The following TIMM44 variants were observed in gnomAD, a reference collection of about 807,000 sequenced individuals.
TIMM44 encodes the protein mitochondrial import inner membrane translocase subunit TIM44.
Under a neutral mutation model 63.8 loss-of-function variants are expected in TIMM44, and 37 were observed. The ratio of observed to expected loss-of-function variants is 0.58; its 90% CI spans 0.45 to 0.76. TIMM44 has a LOEUF of 0.76. Among genes scored for constraint, TIMM44 ranks in the 30% least tolerant of loss-of-function variants. TIMM44 has a pLI of 0.00. For missense variants in TIMM44, 573 were observed against 603.8 expected (o/e 0.95, Z 0.54); for synonymous variants, 239 against 245.1 (o/e 0.98, Z 0.23).
intron 10 of TIMM44, among the ~76,000 whole-genome samples, chr19:7,930,371 C>T (rs928603998): frequency 5.4e-5 from 8 of 147,358 alleles, no homozygotes; most frequent in African/African-American, 7.6e-5. Context: ...TGCAGTGGCG[C>T]GACCTCAGCT....
chr19:7,935,167 C>CCT (rs1984113365), intron 3 of TIMM44, 22 bp from the exon 4 acceptor site: 3 of 1,254,056 alleles, frequency 2.4e-6, no homozygotes, highest in Admixed American at 2.6e-5. Context: ...GCGCTGTGTC[C>CCT]TTTTTTTTTT....
intron 2 of TIMM44, among the ~76,000 whole-genome samples, chr19:7,938,606 A>G (rs888241897): frequency 6.6e-6 from 1 of 152,178 alleles, no homozygotes; most frequent in African/African-American, 2.4e-5. Context: ...CAGGAGTTCG[A>G]GACCAGCCTG....
rs369194653 is a variant in TIMM44, at chr19:7,938,235, T to C, written c.142-38A>G. 6.5e-6 allele frequency: 10 copies of C among 1,547,092 alleles called. No individual in the cohort carries two copies. The Admixed American group carries it at 7.3e-5, about 11-fold the overall frequency. On this transcript the variant is annotated intron_variant, in intron 2 of 12. Transcript: ENST00000270538. ...TACAAGAAAAAAAATTTAAAGAACATAGTAGAACATAGAATGAAATGCCCC... is the reference window on the plus strand; with the variant it reads ...TACAAGAAAAAAAATTTAAAGAACACAGTAGAACATAGAATGAAATGCCCC...
At position 7,934,022 on chromosome 19, in the gene TIMM44, G is replaced by C. The variant is rs370953655; in HGVS notation, c.544-19C>G. On this transcript the variant is annotated intron_variant, in intron 5 of 12. Coordinates refer to ENST00000270538, the MANE Select transcript of TIMM44 (RefSeq NM_006351.4). This position sits in a 1 kb window ranked among gnomAD's most constrained non-coding sequence, Gnocchi z 5.3. ...CCACCCCCTGCGAGGGAGGCACAGC[G>C]GGGCTGGGGTGGGTGTCTGGGTTCG... The C allele has an allele frequency of 1.1e-4, 184 of 1,613,674 alleles. No homozygotes were observed. Among genetic ancestry groups the C allele is most frequent in the Non-Finnish European group, 1.5e-4 (175 of 1,180,002 alleles).
Position 7,927,233 on chromosome 19 carries a change from C to A in TIMM44, c.1313G>T (p.Trp438Leu). Residue 438 changes from tryptophan (W) to leucine (L), a missense_variant, in exon 13 of 13, where the codon TGG (tryptophan) becomes TTG (leucine). Transcript: ENST00000270538. ...GGAGGCCGAGATGTCCAGGAGCCGCCAGGCCGCGTAGGGGTTGAGCTCGTC... is the reference window on the plus strand; with the variant it reads ...GGAGGCCGAGATGTCCAGGAGCCGCAAGGCCGCGTAGGGGTTGAGCTCGTC... ...DQDELNPYAAWRLLDISASST... is the reference protein window; with the variant it reads ...DQDELNPYAALRLLDISASST... The A allele has an allele frequency of 6.2e-7, 1 of 1,612,280 alleles. No homozygotes were observed.
At position 7,928,069 on chromosome 19, in the gene TIMM44, G is replaced by A. The variant is rs1174893147; in HGVS notation, c.1128+8C>T. 1.9e-6 allele frequency: 3 copies of A among 1,612,890 alleles called. No individual in the cohort carries two copies. Among genetic ancestry groups the A allele is most frequent in the African/African-American group, 2.7e-5 (2 of 74,936 alleles). On this transcript the variant is annotated splice_region_variant and intron_variant, in intron 11 of 12. Coordinates refer to ENST00000270538, the MANE Select transcript of TIMM44 (RefSeq NM_006351.4). ...TGGTGGCCCGGGCCCCCACTGCGAG[G>A]TGCTTACGTCGACGTTGTCAATGTC...
In TIMM44 at chr19:7,932,493, G is replaced by A. The variant is rs1984014371; in HGVS notation, c.987+134C>T. The A allele has an allele frequency of 3.1e-6, 4 of 1,299,082 alleles. 1 individual carries two copies. In the South Asian group the frequency reaches 3.9e-5, roughly 13 times the overall value. The allele number at this position is 1,299,082 out of a possible 1,614,324, so 80.5% of individuals were successfully genotyped here. On this transcript the variant is annotated intron_variant, in intron 9 of 12. Coordinates refer to ENST00000270538, the MANE Select transcript of TIMM44 (RefSeq NM_006351.4). ...CAGCTGCAGCCGGGCAGGAGCCCGTGTGCAACCAGCCTCCTCAGAAAACAG... is the reference window on the plus strand; with the variant it reads ...CAGCTGCAGCCGGGCAGGAGCCCGTATGCAACCAGCCTCCTCAGAAAACAG...
chr19:7,932,820 T>C lies in TIMM44; in HGVS notation c.862+20A>G. On this transcript the variant is annotated intron_variant, in intron 8 of 12. Coordinates refer to ENST00000270538, the MANE Select transcript of TIMM44 (RefSeq NM_006351.4). ...CCCGCCCCACCACCAGCCTGCGAGG[T>C]CCAGGGATGACTCACTCACCCAGCA... 6.2e-7 allele frequency: 1 copy of C among 1,614,106 alleles called. No homozygotes were observed. Among genetic ancestry groups the C allele is most frequent in the Admixed American group, 1.7e-5 (1 of 60,030 alleles).
In TIMM44 at chr19:7,932,444, G is replaced by A. The variant is rs1015112899; in HGVS notation, c.987+183C>T. 9 of 767,288 alleles carry A rather than the reference G, an allele frequency of 1.2e-5. No individual in the cohort carries two copies. In the Admixed American group the frequency reaches 2.2e-4, roughly 19 times the overall value. The allele number at this position is 767,288 out of a possible 1,614,324, so 47.5% of individuals were successfully genotyped here. On this transcript the variant is annotated intron_variant, in intron 9 of 12. Transcript: ENST00000270538. ...CGGAGGTGCCGGTAAGGCCCAGGAA[G>A]GGCTTCGGGCACAGCTCATGGGGCA... is the stretch of plus-strand genomic sequence containing the variant.
chr19:7,927,874 AGGCCCAGCACCG>A (rs1983859881), intron 11 of TIMM44, 107 bp from the exon 12 acceptor site: 2 of 1,257,460 alleles, frequency 1.6e-6, no homozygotes, highest in Non-Finnish European at 2.3e-6. Flanking sequence ...CTCCAGCACC[AGGCCCAGCACCG>A]GTCCCTCCCC....
In TIMM44 at chr19:7,926,972, C is replaced by G. The variant is rs1983822656; in HGVS notation, c.*215G>C. The stretch of plus-strand genomic sequence containing the variant: ...ACCCCTGCAGGGCAGAGCAACAGGG[C>G]AGGGGTTGGCCCTGCGGGGGAGTGT... On this transcript the variant is annotated 3_prime_UTR_variant, in exon 13 of 13. Coordinates refer to ENST00000270538, the MANE Select transcript of TIMM44 (RefSeq NM_006351.4). 14 of 622,490 alleles carry G rather than the reference C, an allele frequency of 2.2e-5. No homozygotes were observed. The highest frequency in any genetic ancestry group is 1.1e-4 in the South Asian group (6 of 55,910). 38.6% of individuals were successfully genotyped at this position (622,490 alleles called of 1,614,324 possible). A position where few individuals can be genotyped will look rare whatever the true frequency, so the allele number is the denominator to read the frequency against.
chr19:7,934,431 C>T lies in TIMM44; in HGVS notation c.394-193G>A, dbSNP rs1416385113. Among the ~76,000 whole-genome samples, 1 of 151,416 alleles carries T rather than the reference C, an allele frequency of 6.6e-6. No individual in the cohort carries two copies. The highest frequency in any genetic ancestry group is 1.5e-5 in the Non-Finnish European group (1 of 67,856). ...AACGGCACCCCCAGAGCCACGAGCA[C>T]ACCGCCACCCCCAGAGCCACGAGCA... On this transcript the variant is annotated intron_variant, in intron 4 of 12. Coordinates refer to ENST00000270538, the MANE Select transcript of TIMM44 (RefSeq NM_006351.4). This position sits in a 1 kb window ranked among gnomAD's most constrained non-coding sequence, Gnocchi z 5.3.
At chr19:7,927,789 G>A in intron 11 of TIMM44, 22 bp from the exon 12 acceptor site, 2 of 1,604,720 alleles carry the variant, frequency 1.2e-6, no homozygotes, top group Non-Finnish European at 1.7e-6. Context: ...CCGAGAGGGG[G>A]GATGTGCCTC....
chr19:7,935,210 G>C (rs763117016), intron 3 of TIMM44, 65 bp from the exon 4 acceptor site: 44 of 1,414,324 alleles, frequency 3.1e-5, no homozygotes, highest in Non-Finnish European at 4.2e-5. Flanking sequence ...CCGTTGCCGA[G>C]GCTGGAGTAC....
In TIMM44 at chr19:7,943,563, G is replaced by T; in HGVS notation, c.45+44C>A. On this transcript the variant is annotated intron_variant, in intron 1 of 12. Coordinates refer to ENST00000270538, the MANE Select transcript of TIMM44 (RefSeq NM_006351.4). The surrounding 1 kb of genome is among the most constrained non-coding windows in gnomAD (Gnocchi z 4.3). ...GAAAGCCTTGGTGGCCGAAGGCCCAGAAGACCCCTAAGCTCGCCCTGCCAG... is the reference window on the plus strand; with the variant it reads ...GAAAGCCTTGGTGGCCGAAGGCCCATAAGACCCCTAAGCTCGCCCTGCCAG... The T allele has an allele frequency of 6.4e-7, 1 of 1,559,976 alleles. No homozygotes were observed. Among genetic ancestry groups the T allele is most frequent in the South Asian group, 1.2e-5 (1 of 85,998 alleles).
chr19:7,932,849 C>G lies in TIMM44; in HGVS notation c.853G>C (p.Asp285His), dbSNP rs200898652. ...GGGATGACTCACTCACCCAGCAAGTCGGTGACCTTGTCCGTAAGGGCCCGG... is the reference window on the plus strand; with the variant it reads ...GGGATGACTCACTCACCCAGCAAGTGGGTGACCTTGTCCGTAAGGGCCCGG... ...ASRALTDKVT[D>H]LLGGLFSKTE... Residue 285 changes from aspartate to histidine, a missense_variant, in exon 8 of 13, where the codon GAC becomes CAC. Coordinates refer to ENST00000270538, the MANE Select transcript of TIMM44 (RefSeq NM_006351.4). 2 of 1,614,198 alleles carry G rather than the reference C, an allele frequency of 1.2e-6. No individual in the cohort carries two copies. The highest frequency in any genetic ancestry group is 1.1e-5 in the South Asian group (1 of 91,084).
intron 1 of TIMM44, 85 bp from the exon 2 acceptor site, chr19:7,941,282 C>A: frequency 6.0e-6 from 6 of 1,008,280 alleles, no homozygotes; most frequent in Non-Finnish European, 6.3e-6. Flanking sequence ...ACAGCAGGGT[C>A]ACCTGCAACT....
At chr19:7,932,033 T>A (rs921290107) in intron 9 of TIMM44, among the ~76,000 whole-genome samples, 1 of 152,192 alleles carries the variant, frequency 6.6e-6, no homozygotes, top group African/African-American at 2.4e-5. Context: ...CTGGCCCGAC[T>A]GGGCCGAAGG....
At chr19:7,941,022 C>T in intron 2 of TIMM44, 80 bp downstream of exon 2, 1 of 1,163,758 alleles carries the variant, frequency 8.6e-7, no homozygotes. Context: ...TCTACAGCCC[C>T]ACCCCTCCCT....
Sources: allele counts gnomAD v4.1 joint callset (sites outside exome capture counted in the v4.1 genomes callset), GRCh38; gene constraint gnomAD v4.1.1; non-coding constraint Gnocchi (gnomAD v3.1); transcripts MANE v1.5; gene names NCBI Gene and HGNC (gene_info 2026-07-23, HGNC 2026-07-21).